SLC2A9: variants seen among roughly 807,000 people sequenced by gnomAD.
SLC2A9 encodes the protein solute carrier family 2 member 9.
A neutral mutation model predicts 50.6 loss-of-function variants in SLC2A9; 39 were observed. That is an observed-to-expected ratio of 0.77 (90% CI 0.60 to 1.01). The LOEUF (loss-of-function observed/expected upper bound fraction) is 1.01, where lower values mean the gene tolerates loss of function less well. SLC2A9 is among the 50% of genes least tolerant of loss of function. The probability of loss-of-function intolerance (pLI) is 0.00; values close to 1 mark genes in which losing one functional copy is unlikely to be tolerated. For synonymous variants in SLC2A9, 324 were observed against 276.9 expected (o/e 1.17, Z -1.69); for missense variants, 686 against 677.6 (o/e 1.01, Z -0.14).
chr4:9,937,291 GT>G (rs1747265639), intron 6 of SLC2A9, among the ~76,000 whole-genome samples: 2 of 152,182 alleles, frequency 1.3e-5, no homozygotes, highest in African/African-American at 4.8e-5. Context: ...TTTCCGAGCT[GT>G]GTTTTCCCGC....
intron 10 of SLC2A9, among the ~76,000 whole-genome samples, chr4:9,843,148 G>A (rs372129839): frequency 7.9e-5 from 12 of 152,210 alleles, no homozygotes; most frequent in African/African-American, 2.9e-4. Context: ...GAGAGCTGGG[G>A]AAGTCCTCAA....
intron 5 of SLC2A9, among the ~76,000 whole-genome samples, chr4:9,976,592 G>A (rs553190799): frequency 5.3e-5 from 8 of 152,186 alleles, no homozygotes; most frequent in Non-Finnish European, 1.0e-4. Flanking sequence ...TATTTACAGG[G>A]TTCCTCACCC....
At chr4:9,953,429 A>G (rs1750664756) in intron 5 of SLC2A9, among the ~76,000 whole-genome samples, 1 of 152,190 alleles carries the variant, frequency 6.6e-6, no homozygotes, top group African/African-American at 2.4e-5. Context: ...TGCCCATCTG[A>G]GTTTGAGTCC....
At chr4:9,816,151 C>G (rs563608512) in intron 3 of SLC2A9, among the ~76,000 whole-genome samples, 3 of 150,984 alleles carry the variant, frequency 2.0e-5, no homozygotes, top group Non-Finnish European at 4.4e-5. Flanking sequence ...GCCTGGGTAA[C>G]AGAGCAAGAC....
At chr4:9,907,781 A>T (rs1740953608) in intron 8 of SLC2A9, among the ~76,000 whole-genome samples, 1 of 152,266 alleles carries the variant, frequency 6.6e-6, no homozygotes, top group Non-Finnish European at 1.5e-5. Flanking sequence ...AAATCTAGGA[A>T]GGAAATATTC....
chr4:9,890,989 G>A (rs907806415), intron 8 of SLC2A9, among the ~76,000 whole-genome samples: 1 of 152,206 alleles, frequency 6.6e-6, no homozygotes, highest in African/African-American at 2.4e-5. Flanking sequence ...CCTCCAACAG[G>A]GAGTCTGGGA....
At chr4:9,771,234 A>G (rs544037388) in exon 2 of SLC2A9, 435 of 362,322 alleles carry the variant, frequency 1.2e-3, no homozygotes, top group Admixed American at 1.5e-3. Context: ...ATAATCCCTA[A>G]CCTCAGTGAC....
intron 3 of SLC2A9, among the ~76,000 whole-genome samples, chr4:9,791,360 T>C (rs1451034007): frequency 6.6e-6 from 1 of 152,234 alleles, no homozygotes; most frequent in African/African-American, 2.4e-5. Flanking sequence ...TGGAAGCAGA[T>C]ACTGTGTCTC....
chr4:9,786,081 A>G (rs571780539), intron 3 of SLC2A9, among the ~76,000 whole-genome samples: 4 of 152,112 alleles, frequency 2.6e-5, no homozygotes, highest in African/African-American at 4.8e-5. Context: ...CCCTCGGAGG[A>G]GTGTGGCTGG....
intron 3 of SLC2A9, among the ~76,000 whole-genome samples, chr4:9,992,070 C>A (rs1413912844): frequency 6.6e-6 from 1 of 152,112 alleles, no homozygotes; most frequent in Non-Finnish European, 1.5e-5. Context: ...TTTTGACAAC[C>A]TGCTATTTCC....
chr4:9,816,446 T>C (rs1723606180), intron 3 of SLC2A9, among the ~76,000 whole-genome samples: 1 of 152,166 alleles, frequency 6.6e-6, no homozygotes. Flanking sequence ...CATGAATAAG[T>C]TCTGGAGATC....
At chr4:9,791,492 G>T (rs1191350062) in intron 3 of SLC2A9, among the ~76,000 whole-genome samples, 1 of 152,354 alleles carries the variant, frequency 6.6e-6, no homozygotes, top group East Asian at 1.9e-4. Flanking sequence ...TTTAGTTGAT[G>T]CTGAAGGGGG....
intron 2 of SLC2A9, among the ~76,000 whole-genome samples, chr4:9,998,482 A>C (rs920039790): frequency 6.6e-6 from 1 of 152,218 alleles, no homozygotes; most frequent in African/African-American, 2.4e-5. Context: ...ACACAATCCC[A>C]CATAGACTAA....
At chr4:9,995,181 A>T (rs535333218) in intron 3 of SLC2A9, among the ~76,000 whole-genome samples, 15 of 152,254 alleles carry the variant, frequency 9.9e-5, no homozygotes, top group Middle Eastern at 6.8e-3. Context: ...GCAGATAGAA[A>T]ATTAAACAAG....
intron 3 of SLC2A9, among the ~76,000 whole-genome samples, chr4:9,989,336 G>C (rs746468980): frequency 6.6e-6 from 1 of 152,096 alleles, no homozygotes; most frequent in African/African-American, 2.4e-5. Context: ...AAGGGTTAAG[G>C]CTCCCCTGCA....
chr4:9,913,429 CCA>C (rs1210255876), intron 7 of SLC2A9, among the ~76,000 whole-genome samples: 1 of 151,732 alleles, frequency 6.6e-6, no homozygotes, highest in Non-Finnish European at 1.5e-5. Context: ...GAGGTGGCCG[CCA>C]CAGACAAATG....
chr4:9,963,163 A>T (rs113474786), intron 5 of SLC2A9, among the ~76,000 whole-genome samples: 2,269 of 152,308 alleles, frequency 0.015, 67 homozygotes, highest in African/African-American at 0.051. Context: ...AAGAGAGAGC[A>T]TGTACAGGGG....
intron 5 of SLC2A9, among the ~76,000 whole-genome samples, chr4:9,960,214 G>A (rs1200791111): frequency 6.6e-6 from 1 of 152,154 alleles, no homozygotes. Flanking sequence ...TCTCTCCAGG[G>A]CCTTGAGCCT....
intron 2 of SLC2A9, 39 bp from the exon 3 acceptor site, chr4:9,996,980 C>A: frequency 6.2e-7 from 1 of 1,611,566 alleles, no homozygotes; most frequent in South Asian, 1.1e-5. Flanking sequence ...TCCTTCTGTT[C>A]TCTCCTGCTG....
Sources: gnomAD v4.1 joint callset for allele counts (sites outside exome capture counted in the v4.1 genomes callset) on GRCh38, gnomAD v4.1.1 for gene constraint, MANE v1.5 for transcripts, NCBI Gene and HGNC (gene_info 2026-07-23, HGNC 2026-07-21) for gene names.